Variants in SHB observed in about 807,000 individuals in gnomAD.
The protein encoded by SHB is SH2 domain-containing adapter protein B.
SHB carries 20 observed loss-of-function variants against 52.3 expected under a neutral mutation model. That is an observed-to-expected ratio of 0.38 (90% confidence interval 0.27 to 0.56). The LOEUF is 0.56. Among genes scored for constraint, SHB ranks in the 20% least tolerant of loss-of-function variants. SHB has a pLI of 0.71. For missense variants in SHB, 825 were observed against 723.3 expected, an observed-to-expected ratio of 1.14 and a Z score of -1.61; for synonymous variants, 397 against 316.5, an observed-to-expected ratio of 1.25 and a Z score of -2.70.
intron 4 of SHB, among the ~76,000 whole-genome samples, chr9:37,954,504 G>T (rs989616062): frequency 2.6e-5 from 4 of 152,096 alleles, no homozygotes; most frequent in African/African-American, 9.7e-5. Context: ...GAGAGGGTGG[G>T]GTCTGGGTCA....
intron 1 of SHB, among the ~76,000 whole-genome samples, chr9:38,043,461 A>G (rs1247253076): frequency 1.3e-5 from 2 of 152,192 alleles, no homozygotes; most frequent in East Asian, 1.9e-4. Flanking sequence ...TGAAAAAGTG[A>G]TCACTGGAAG....
intron 3 of SHB, among the ~76,000 whole-genome samples, chr9:37,958,424 A>G (rs1832659495): frequency 6.6e-6 from 1 of 152,200 alleles, no homozygotes; most frequent in Non-Finnish European, 1.5e-5. Context: ...TATGAGAGGA[A>G]GACTCACCAA....
rs1361496549 is a variant in SHB, at chr9:38,069,166, A to G, written c.-521T>C. ...GAGACAGCGAGCGACGGAGGAAGGC[A>G]GCCGGCGCCCGCCGGAGCCCGCGCG... On this transcript the variant is annotated 5_prime_UTR_variant, in exon 1 of 6. Transcript: ENST00000377707. The G allele has an allele frequency of 6.6e-6, 1 of 151,330 alleles. No homozygotes were observed. The highest frequency in any genetic ancestry group is 1.5e-5 in the Non-Finnish European group (1 of 67,518). 9.4% of individuals were successfully genotyped at this position (151,330 alleles called of 1,614,324 possible). A position where few individuals can be genotyped will look rare whatever the true frequency, so the allele number is the denominator to read the frequency against.
chr9:37,996,091 G>T (rs1421833776), intron 2 of SHB, among the ~76,000 whole-genome samples: 1 of 152,208 alleles, frequency 6.6e-6, no homozygotes, highest in African/African-American at 2.4e-5. Context: ...ACCTGAAATG[G>T]TGGTTTTGAA....
At chr9:38,003,581 G>A (rs1006782820) in intron 2 of SHB, among the ~76,000 whole-genome samples, 1 of 152,148 alleles carries the variant, frequency 6.6e-6, no homozygotes, top group African/African-American at 2.4e-5. Flanking sequence ...TCGTTGCAGT[G>A]CCCAGAACAG....
intron 1 of SHB, among the ~76,000 whole-genome samples, chr9:38,048,340 G>A (rs539647333): frequency 6.6e-5 from 10 of 152,042 alleles, no homozygotes; most frequent in East Asian, 1.9e-4. Context: ...TATATCCTGC[G>A]TTTAAAAAAG....
chr9:37,933,002 G>GA (rs1832331438), intron 5 of SHB, among the ~76,000 whole-genome samples: 1 of 151,848 alleles, frequency 6.6e-6, no homozygotes, highest in South Asian at 2.1e-4. Flanking sequence ...TTGAAAAGAA[G>GA]AAAAAAAATC....
chr9:38,046,673 GC>G (rs1821656291), intron 1 of SHB, among the ~76,000 whole-genome samples: 1 of 152,248 alleles, frequency 6.6e-6, no homozygotes, highest in African/African-American at 2.4e-5. Context: ...CAGGACGCAA[GC>G]CTCTAACACG....
chr9:37,999,861 G>A (rs997789127), intron 2 of SHB, among the ~76,000 whole-genome samples: 1 of 152,218 alleles, frequency 6.6e-6, no homozygotes, highest in East Asian at 1.9e-4. Context: ...GGCTGTCGGA[G>A]GAGCTGCAAT....
rs1318333576 is a variant in SHB, at chr9:38,068,510, G to C, written c.136C>G (p.Gln46Glu). The change falls in exon 1 of 6, where the codon CAG (glutamine) becomes GAG (glutamate). Residue 46 changes from glutamine to glutamate, a missense_variant. By Grantham distance (29) the Gln-to-Glu change is conservative (BLOSUM62 2). Coordinates refer to ENST00000377707, the MANE Select transcript of SHB (RefSeq NM_003028.3). ...RPSQPPQAVP[Q>E]ASSAASASCG... ...GACGCCGAGGCGGCGGAGGAGGCCT[G>C]CGGCACGGCCTGGGGGGGCTGCGAA... The C allele has an allele frequency of 4.0e-6, 6 of 1,485,290 alleles. No individual in the cohort carries two copies. The highest frequency in any genetic ancestry group is 5.3e-6 in the Non-Finnish European group (6 of 1,124,896). 92.0% of individuals were successfully genotyped at this position (1,485,290 alleles called of 1,614,324 possible). A position where few individuals can be genotyped will look rare whatever the true frequency, so the allele number is the denominator to read the frequency against.
intron 1 of SHB, among the ~76,000 whole-genome samples, chr9:38,062,789 G>A (rs1004534392): frequency 6.6e-6 from 1 of 152,204 alleles, no homozygotes; most frequent in African/African-American, 2.4e-5. Context: ...AAGCTAGAGC[G>A]CACAGGCCAG....
intron 1 of SHB, among the ~76,000 whole-genome samples, chr9:38,032,724 C>A (rs1366890573): frequency 1.3e-5 from 2 of 152,216 alleles, no homozygotes; most frequent in Non-Finnish European, 2.9e-5. Flanking sequence ...GGGGATCCTA[C>A]TTCCCCACAT....
chr9:37,932,195 T>C (rs1832319213), intron 5 of SHB, among the ~76,000 whole-genome samples: 1 of 134,302 alleles, frequency 7.4e-6, no homozygotes, highest in Non-Finnish European at 1.5e-5. Flanking sequence ...GGCTAGAGAA[T>C]CACTTGAACC....
chr9:37,969,321 C>A (rs1820566554), intron 3 of SHB, among the ~76,000 whole-genome samples: 1 of 152,100 alleles, frequency 6.6e-6, no homozygotes, highest in Admixed American at 6.5e-5. Context: ...GGGCCCCCAG[C>A]CAAGTTATTT....
chr9:38,066,769 C>T (rs1821967938), intron 1 of SHB, among the ~76,000 whole-genome samples: 1 of 152,108 alleles, frequency 6.6e-6, no homozygotes, highest in Non-Finnish European at 1.5e-5. Flanking sequence ...AAAAAAGATC[C>T]CTTTCCAAGC....
At chr9:37,963,390 G>A (rs1331669184) in intron 3 of SHB, among the ~76,000 whole-genome samples, 1 of 152,208 alleles carries the variant, frequency 6.6e-6, no homozygotes, top group Non-Finnish European at 1.5e-5. Context: ...TGCTTGCAAG[G>A]AGCTCTCAAC....
In SHB at chr9:37,968,441, G is replaced by A. The variant is rs1820555438; in HGVS notation, c.1054+6181C>T. Among the ~76,000 whole-genome samples, 3 of 152,170 alleles carry A rather than the reference G, an allele frequency of 2.0e-5. No homozygotes were observed. In the South Asian group the frequency reaches 6.2e-4, roughly 31 times the overall value. On this transcript the variant is annotated intron_variant, in intron 3 of 5. Transcript: ENST00000377707. ...TGCAAGACACTGTCCTAAACTTCTA[G>A]GGCAGAGAAATCTGCCAAGGAGCTA...
In SHB at chr9:37,984,677, C is replaced by T. The variant is rs182740950; in HGVS notation, c.839-9840G>A. 7.2e-4 allele frequency among the ~76,000 whole-genome samples: 109 copies of T among 152,246 alleles called. 2 individuals are homozygous for T. Among genetic ancestry groups the T allele is most frequent in the Admixed American group, 1.8e-3 (28 of 15,302 alleles). ...GGTGTTAAAAGCACACCTGGCACCA[C>T]GGAGTGAGCGATGAGCTCTGCGGGA... On this transcript the variant is annotated intron_variant, in intron 2 of 5. Transcript: ENST00000377707.
At chr9:37,956,360 G>T (rs1832634751) in intron 3 of SHB, among the ~76,000 whole-genome samples, 1 of 152,066 alleles carries the variant, frequency 6.6e-6, no homozygotes, top group African/African-American at 2.4e-5. Flanking sequence ...CCTTCGGGGG[G>T]CACTGCCTTG....
Sources: allele counts gnomAD v4.1 joint callset (sites outside exome capture counted in the v4.1 genomes callset), GRCh38; gene constraint gnomAD v4.1.1; transcripts MANE v1.5; gene names NCBI Gene and HGNC (gene_info 2026-07-23, HGNC 2026-07-21).